KDM1A: variants seen among roughly 807,000 people sequenced by gnomAD.
KDM1A encodes lysine demethylase 1A.
In KDM1A, 49 loss-of-function variants were observed where a neutral mutation model predicts 109.4. That is an observed-to-expected ratio of 0.45 (90% CI 0.36 to 0.57). The LOEUF is 0.57. KDM1A is among the 20% of genes least tolerant of loss of function. The pLI, the probability that KDM1A is intolerant of heterozygous loss-of-function variation, is 0.00. For synonymous variants in KDM1A, 380 were observed against 415.4 expected, an observed-to-expected ratio of 0.91 and a Z score of 1.04; for missense variants, 668 against 1,116.6, an observed-to-expected ratio of 0.60 and a Z score of 5.73.
intron 12 of KDM1A, 66 bp downstream of exon 12, chr1:23,069,217 T>A: frequency 9.7e-7 from 1 of 1,026,364 alleles, no homozygotes; most frequent in East Asian, 2.6e-5. Context: ...TTAGAAATTT[T>A]AAAAGCATTT....
At chr1:23,049,614 G>A (rs1642604784) in intron 3 of KDM1A, among the ~76,000 whole-genome samples, 1 of 151,646 alleles carries the variant, frequency 6.6e-6, no homozygotes. Context: ...GAACCCAGGA[G>A]GCAGAGGTTG....
At chr1:23,081,668 C>T in intron 19 of KDM1A, 95 bp downstream of exon 19, 1 of 1,430,448 alleles carries the variant, frequency 7.0e-7, no homozygotes, top group Non-Finnish European at 9.6e-7. Context: ...ACAGTTTAAG[C>T]TAGAATTGAG....
Position 23,083,566 on chromosome 1 carries a change from G to C in KDM1A, c.*202G>C, listed in dbSNP as rs561154306. ...AGGGAGGAACTTGTCCATTAGTTTG[G>C]AATTGTGTTCTTCGTAAAGACTGAG... On this transcript the variant is annotated 3_prime_UTR_variant, in exon 21 of 21. Transcript: ENST00000400181. The C allele has an allele frequency of 4.4e-6, 2 of 449,730 alleles. No homozygotes were observed. Among genetic ancestry groups the C allele is most frequent in the Non-Finnish European group, 7.9e-6 (2 of 253,550 alleles). 27.9% of individuals were successfully genotyped at this position (449,730 alleles called of 1,614,324 possible). A position where few individuals can be genotyped will look rare whatever the true frequency, so the allele number is the denominator to read the frequency against.
intron 20 of KDM1A, 65 bp downstream of exon 20, chr1:23,082,431 T>C: frequency 5.4e-6 from 2 of 368,260 alleles, no homozygotes; most frequent in Non-Finnish European, 7.9e-6. Context: ...ATGTCCCTGA[T>C]TTTTTTTTTT....
intron 2 of KDM1A, among the ~76,000 whole-genome samples, chr1:23,032,682 G>A (rs4571938): frequency 1.3e-5 from 2 of 151,962 alleles, no homozygotes; most frequent in Non-Finnish European, 1.5e-5. Flanking sequence ...ACTTTCCCTA[G>A]AAAAAAGTGT....
chr1:23,055,878 A>G, intron 6 of KDM1A, 54 bp from the exon 7 acceptor site: 1 of 1,171,472 alleles, frequency 8.5e-7, no homozygotes, highest in South Asian at 1.4e-5. Context: ...TAAGACTGTA[A>G]GTACAAACTT....
chr1:23,021,153 C>G (rs2124323955), intron 1 of KDM1A, among the ~76,000 whole-genome samples: 1 of 152,272 alleles, frequency 6.6e-6, no homozygotes, highest in African/African-American at 2.4e-5. Context: ...ATTTATCTGC[C>G]TACTTGAGCC....
At chr1:23,077,485 C>A in intron 16 of KDM1A, 125 bp downstream of exon 16, 1 of 935,118 alleles carries the variant, frequency 1.1e-6, no homozygotes, top group South Asian at 2.2e-5. Flanking sequence ...TAAAAATTGG[C>A]ATTTATAGAC....
In KDM1A at chr1:23,019,896, A is replaced by G. The variant is rs1316910220; in HGVS notation, c.300A>G (p.Gly100=). 4 of 1,572,224 alleles carry G rather than the reference A, an allele frequency of 2.5e-6. No individual in the cohort carries two copies. Among genetic ancestry groups the G allele is most frequent in the African/African-American group, 2.8e-5 (2 of 71,070 alleles). The part of the protein sequence containing the change: ...VPGSATPMET[G]IAETPEGRRT... ...GGTCTGCGACCCCCATGGAAACTGG[A>G]ATAGCAGAGACTCCGGAGGGGCGTC... Residue 100 remains glycine (G), a synonymous_variant, in exon 1 of 21, where the codon GGA becomes GGG. Transcript: ENST00000400181.
At chr1:23,024,192 TCTTA>T (rs1641727873) in intron 1 of KDM1A, among the ~76,000 whole-genome samples, 1 of 152,152 alleles carries the variant, frequency 6.6e-6, no homozygotes, top group Non-Finnish European at 1.5e-5. Context: ...TTTTAACTCA[TCTTA>T]CTTACCCTGT....
At chr1:23,033,153 C>G (rs1221710201) in intron 2 of KDM1A, among the ~76,000 whole-genome samples, 1 of 152,202 alleles carries the variant, frequency 6.6e-6, no homozygotes, top group African/African-American at 2.4e-5. Context: ...AGCCACCATG[C>G]CTGGCCTGTG....
intron 15 of KDM1A, 60 bp from the exon 16 acceptor site, chr1:23,077,168 A>T: frequency 6.6e-7 from 1 of 1,526,514 alleles, no homozygotes; most frequent in Non-Finnish European, 9.0e-7. Flanking sequence ...GTACAGAACT[A>T]GGTGCAAATG....
Position 23,069,079 on chromosome 1 carries a change from C to T in KDM1A, c.1341C>T (p.Val447=). Residue 447 remains valine, a synonymous_variant, in exon 12 of 21, where the codon GTC becomes GTT. Coordinates refer to ENST00000400181, the MANE Select transcript of KDM1A (RefSeq NM_001009999.3). ...CTCTTAGGTTACAAGAGAAGCATGTCAAAGATGAGCAGATTGAACATTGGA... is the reference window on the plus strand; with the variant it reads ...CTCTTAGGTTACAAGAGAAGCATGTTAAAGATGAGCAGATTGAACATTGGA... ...EVVIQLQEKH[V]KDEQIEHWKK... 6.2e-7 allele frequency: 1 copy of T among 1,609,218 alleles called. No homozygotes were observed. Among genetic ancestry groups the T allele is most frequent in the South Asian group, 1.1e-5 (1 of 90,026 alleles).
rs1641548867 is a variant in KDM1A, at chr1:23,019,683, C to A, written c.87C>A (p.Gly29=). 1 of 1,360,822 alleles carries A rather than the reference C, an allele frequency of 7.3e-7. No individual in the cohort carries two copies. The highest frequency in any genetic ancestry group is 9.4e-7 in the Non-Finnish European group (1 of 1,064,578). The allele number at this position is 1,360,822 out of a possible 1,614,324, so 84.3% of individuals were successfully genotyped here. A position where few individuals can be genotyped will look rare whatever the true frequency, so the allele number is the denominator to read the frequency against. ...TGTEAGPGTA[G]GSENGSEVAA... ...CGGAGGCTGGCCCTGGGACAGCAGG[C>A]GGCTCCGAGAACGGGTCTGAGGTGG... The change falls in exon 1 of 21, where the codon GGC becomes GGA. Residue 29 remains glycine (G), a synonymous_variant. Transcript: ENST00000400181.
intron 8 of KDM1A, chr1:23,057,790 G>C (rs1464340373): frequency 4.7e-6 from 1 of 214,424 alleles, no homozygotes; most frequent in Non-Finnish European, 9.1e-6. Context: ...AGATAATGTT[G>C]TGTTTGAAGC....
chr1:23,050,277 A>AT, intron 3 of KDM1A, 110 bp from the exon 4 acceptor site: 1 of 1,177,224 alleles, frequency 8.5e-7, no homozygotes, highest in Non-Finnish European at 1.1e-6. Flanking sequence ...ACAATTGAAA[A>AT]TTTTTTAAAA....
chr1:23,063,402 T>C (rs1643074636), intron 9 of KDM1A, among the ~76,000 whole-genome samples: 1 of 152,162 alleles, frequency 6.6e-6, no homozygotes, highest in Non-Finnish European at 1.5e-5. Flanking sequence ...CACCGTTAAC[T>C]ATAGGTGTAT....
In KDM1A at chr1:23,079,081, G is replaced by A. The variant is rs1428129991; in HGVS notation, c.1959G>A (p.Val653=). The part of the protein sequence containing the change: ...DAVLCTLPLG[V]LKQQPPAVQF... Reference sequence around the variant, plus strand: ...TTCTCTGTACCCTTCCCCTGGGTGTGCTGAAGCAGCAGCCACCAGCCGTTC... The same window carrying A: ...TTCTCTGTACCCTTCCCCTGGGTGTACTGAAGCAGCAGCCACCAGCCGTTC... Residue 653 remains valine (V), a synonymous_variant, in exon 17 of 21, where the codon GTG becomes GTA. Coordinates refer to ENST00000400181, the MANE Select transcript of KDM1A (RefSeq NM_001009999.3). This position sits in a 1 kb window ranked among gnomAD's most constrained non-coding sequence, Gnocchi z 5.6. 1.2e-6 allele frequency: 2 copies of A among 1,614,130 alleles called. No individual in the cohort carries two copies. Among genetic ancestry groups the A allele is most frequent in the Non-Finnish European group, 1.7e-6 (2 of 1,179,994 alleles).
intron 2 of KDM1A, among the ~76,000 whole-genome samples, chr1:23,033,262 G>T (rs993573408): frequency 3.3e-5 from 5 of 152,136 alleles, no homozygotes; most frequent in African/African-American, 1.2e-4. Context: ...GGCCAGGCGC[G>T]GTGGCTCCCA....
Sources: gnomAD v4.1 joint callset for allele counts (sites outside exome capture counted in the v4.1 genomes callset) on GRCh38, gnomAD v4.1.1 for gene constraint, Gnocchi (gnomAD v3.1) non-coding constraint, MANE v1.5 for transcripts, NCBI Gene and HGNC (gene_info 2026-07-23, HGNC 2026-07-21) for gene names.